The following SENP1 variants were observed in gnomAD, a reference collection of about 807,000 sequenced individuals.
SENP1 encodes the protein SUMO specific peptidase 1, also known as sentrin-specific protease 1.
Under a neutral mutation model 93.0 loss-of-function variants are expected in SENP1, and 21 were observed. That is an observed-to-expected ratio of 0.23 (90% CI 0.16 to 0.33). The LOEUF (loss-of-function observed/expected upper bound fraction) is 0.33. SENP1 is among the 10% of genes least tolerant of loss of function. The pLI, the probability that SENP1 is intolerant of heterozygous loss-of-function variation, is 1.00. For missense variants in SENP1, 591 were observed against 758.7 expected (o/e 0.78, Z 2.60); for synonymous variants, 256 against 259.6 (o/e 0.99, Z 0.13).
Position 48,083,761 on chromosome 12 carries a change from C to T in SENP1, c.382G>A (p.Gly128Arg), listed in dbSNP as rs762108404. 6.3e-7 allele frequency: 1 copy of T among 1,590,642 alleles called. No homozygotes were observed. Among genetic ancestry groups the T allele is most frequent in the South Asian group, 1.2e-5 (1 of 85,852 alleles). The change falls in exon 6 of 18, where the codon GGA becomes AGA. Residue 128 changes from glycine (G) to arginine (R), a missense_variant and splice_region_variant. Gly to Arg is a moderately radical substitution (Grantham distance 125, BLOSUM62 -2). This residue lies in a region of SENP1 where 214 missense variants were observed against 243.4 expected (regional missense o/e 0.88). Transcript: ENST00000549518. ...LYLETRKTSSGLSNSFAGKSN... is the reference protein window; with the variant it reads ...LYLETRKTSSRLSNSFAGKSN... ...TTTCCCGCAAAACTGTTTGATAATCCACTAAAAAAAGAGTTTGTAAGAAAG... is the reference window on the plus strand; with the variant it reads ...TTTCCCGCAAAACTGTTTGATAATCTACTAAAAAAAGAGTTTGTAAGAAAG...
At chr12:48,085,308 C>T (rs1237317114) in intron 5 of SENP1, 4 of 1,496,014 alleles carry the variant, frequency 2.7e-6, no homozygotes, top group African/African-American at 1.4e-5. Flanking sequence ...CACCCACCAG[C>T]ACTCTATCCC....
At chr12:48,073,297 T>C (rs756007780) in intron 8 of SENP1, among the ~76,000 whole-genome samples, 40 of 151,830 alleles carry the variant, frequency 2.6e-4, no homozygotes, top group Non-Finnish European at 5.2e-4. Flanking sequence ...TTTTTTCCTT[T>C]ACAGTTCTCA....
intron 13 of SENP1, among the ~76,000 whole-genome samples, chr12:48,050,246 T>C (rs1029577060): frequency 2.0e-5 from 3 of 152,196 alleles, no homozygotes; most frequent in Non-Finnish European, 4.4e-5. Flanking sequence ...AAAATGCCCC[T>C]GTTCTTTGAC....
At chr12:48,079,214 T>C (rs1473326311) in intron 6 of SENP1, among the ~76,000 whole-genome samples, 1 of 151,650 alleles carries the variant, frequency 6.6e-6, no homozygotes, top group South Asian at 2.1e-4. Flanking sequence ...ATAAGAAAAT[T>C]AGGGGCTGGG....
chr12:48,092,349 G>C (rs1945275516), intron 4 of SENP1, among the ~76,000 whole-genome samples: 1 of 152,236 alleles, frequency 6.6e-6, no homozygotes, highest in South Asian at 2.1e-4. Context: ...ATCCAAAGGA[G>C]AGAGCATAAT....
At chr12:48,072,291 A>G (rs1463990938) in intron 8 of SENP1, among the ~76,000 whole-genome samples, 1 of 152,186 alleles carries the variant, frequency 6.6e-6, no homozygotes, top group Non-Finnish European at 1.5e-5. Flanking sequence ...CACCTCAGTC[A>G]TCCAATTGAC....
At chr12:48,089,150 C>T in intron 4 of SENP1, 190 bp from the exon 5 acceptor site, 1 of 1,566,092 alleles carries the variant, frequency 6.4e-7, no homozygotes, top group Non-Finnish European at 8.6e-7. Flanking sequence ...ATAATTGATT[C>T]AGCCATACTA....
intron 14 of SENP1, among the ~76,000 whole-genome samples, chr12:48,048,312 G>A (rs1941530322): frequency 6.6e-6 from 1 of 152,162 alleles, no homozygotes; most frequent in Non-Finnish European, 1.5e-5. Flanking sequence ...TTGCTGTGAA[G>A]CCTTTTTCTA....
Position 48,063,810 on chromosome 12 carries a change from C to T in SENP1, c.1307G>A (p.Arg436His), listed in dbSNP as rs771938522. The change falls in exon 13 of 18, where the codon CGT (arginine) becomes CAT (histidine). Residue 436 changes from arginine (R) to histidine (H), a missense_variant. Physicochemically the swap from Arg to His is conservative, Grantham distance 29. Around this residue, in one of 4 missense-constraint regions of SENP1, gnomAD observed 238 missense variants for 259.1 expected, o/e 0.92. Coordinates refer to ENST00000549518, the MANE Select transcript of SENP1 (RefSeq NM_001267594.2). ...GAGAACTTCATCCTGATTCCCATTACGAAATACATTCTTTATTTCTTTCTC... is the reference window on the plus strand; with the variant it reads ...GAGAACTTCATCCTGATTCCCATTATGAAATACATTCTTTATTTCTTTCTC... ...EMEKEIKNVF[R>H]NGNQDEVLSE... 1.1e-5 allele frequency: 17 copies of T among 1,612,064 alleles called. No individual in the cohort carries two copies. The highest frequency in any genetic ancestry group is 6.7e-5 in the African/African-American group (5 of 74,880).
At chr12:48,051,299 TG>T (rs1475650263) in intron 13 of SENP1, among the ~76,000 whole-genome samples, 3 of 152,182 alleles carry the variant, frequency 2.0e-5, no homozygotes, top group Non-Finnish European at 4.4e-5. Flanking sequence ...CCATGGTATC[TG>T]TTCCCTTTGA....
intron 4 of SENP1, among the ~76,000 whole-genome samples, chr12:48,094,467 G>A (rs1281688906): frequency 3.3e-5 from 5 of 152,050 alleles, no homozygotes; most frequent in African/African-American, 4.8e-5. Flanking sequence ...ATCACCTAAG[G>A]TCAGGAGTTC....
intron 6 of SENP1, among the ~76,000 whole-genome samples, chr12:48,078,334 T>TATATATATATATATATATATACAC: frequency 1.9e-4 from 13 of 67,884 alleles, no homozygotes; most frequent in Admixed American, 1.2e-3. Context: ...TATATATATA[T>TATATATATATATATATATATACAC]ACACACACAT....
Position 48,098,243 on chromosome 12 carries a change from T to C in SENP1, c.5-119A>G, listed in dbSNP as rs577726925. 4.0e-4 allele frequency: 396 copies of C among 998,370 alleles called. 3 individuals carry two copies. The African/African-American group carries it at 5.8e-3, about 15-fold the overall frequency. 61.8% of individuals were successfully genotyped at this position (998,370 alleles called of 1,614,324 possible). On this transcript the variant is annotated intron_variant, in intron 2 of 17. Coordinates refer to ENST00000549518, the MANE Select transcript of SENP1 (RefSeq NM_001267594.2). Reference sequence around the variant, plus strand: ...ACCCAGGCATGGTGTCTCATGCCTGTAATCCCAGCACTCTGAGAGGCTGAG... The same window carrying C: ...ACCCAGGCATGGTGTCTCATGCCTGCAATCCCAGCACTCTGAGAGGCTGAG...
In SENP1 at chr12:48,074,741, G is replaced by A. The variant is rs761345385; in HGVS notation, c.605C>T (p.Thr202Ile). 3 of 1,613,126 alleles carry A rather than the reference G, an allele frequency of 1.9e-6. No individual in the cohort carries two copies. Among genetic ancestry groups the A allele is most frequent in the Non-Finnish European group, 2.5e-6 (3 of 1,179,620 alleles). Residue 202 changes from threonine to isoleucine, a missense_variant, in exon 7 of 18, where the codon ACA becomes ATA. Physicochemically the swap from Thr to Ile is moderately conservative, Grantham distance 89. This residue lies in a region of SENP1 where 214 missense variants were observed against 243.4 expected (regional missense o/e 0.88). Coordinates refer to ENST00000549518, the MANE Select transcript of SENP1 (RefSeq NM_001267594.2). ...EIYRQLLQMV[T>I]GKQFTIAKPT... ...TTTGGCTATAGTAAACTGTTTCCCT[G>A]TGACCATCTGTAGCAGCTGTCTGTA...
intron 1 of SENP1, chr12:48,105,381 G>C (rs780346614): frequency 5.8e-6 from 3 of 518,896 alleles, no homozygotes; most frequent in Admixed American, 1.9e-5. Context: ...CACCAAGAAA[G>C]AGACGGTTCA....
chr12:48,063,462 A>G (rs982662543), intron 13 of SENP1, among the ~76,000 whole-genome samples: 1 of 152,190 alleles, frequency 6.6e-6, no homozygotes, highest in Non-Finnish European at 1.5e-5. Flanking sequence ...GTCTTCTTCA[A>G]TGTTCAAATC....
chr12:48,047,577 A>G (rs1941465170), intron 15 of SENP1, among the ~76,000 whole-genome samples: 1 of 152,172 alleles, frequency 6.6e-6, no homozygotes, highest in African/African-American at 2.4e-5. Flanking sequence ...CCTCCTGGCC[A>G]TCAGAGTGGT....
At chr12:48,077,107 G>A (rs900029665) in intron 6 of SENP1, among the ~76,000 whole-genome samples, 1 of 152,162 alleles carries the variant, frequency 6.6e-6, no homozygotes, top group African/African-American at 2.4e-5. Context: ...GTTTGCCTAG[G>A]ATAATGTCTT....
At position 48,057,207 on chromosome 12, in the gene SENP1, A is replaced by C. The variant is rs929432388; in HGVS notation, c.1407+6503T>G. Reference sequence around the variant, plus strand: ...ATATATTACACATTACATATATATTATTTATTATATATAAAAAATACATTA... The same window carrying C: ...ATATATTACACATTACATATATATTCTTTATTATATATAAAAAATACATTA... On this transcript the variant is annotated intron_variant, in intron 13 of 17. Transcript: ENST00000549518. 7.3e-5 allele frequency among the ~76,000 whole-genome samples: 9 copies of C among 123,216 alleles called. 1 individual carries two copies. In the South Asian group the frequency reaches 2.0e-3, roughly 27 times the overall value. The allele number at this position is 123,216 out of a possible 152,430, so 80.8% of individuals were successfully genotyped here.
Sources: gnomAD v4.1 joint callset for allele counts (sites outside exome capture counted in the v4.1 genomes callset) on GRCh38, gnomAD v4.1.1 for gene constraint, gnomAD v4.1.1 regional missense constraint, MANE v1.5 for transcripts, NCBI Gene and HGNC (gene_info 2026-07-23, HGNC 2026-07-21) for gene names.